The following A1BG variants were observed in gnomAD, a reference collection of about 807,000 sequenced individuals.
A1BG encodes the protein alpha-1-B glycoprotein, also known as alpha-1B-glycoprotein.
A neutral mutation model predicts 46.0 loss-of-function variants in A1BG; 44 were observed. The ratio of observed to expected loss-of-function variants is 0.96; its 90% CI spans 0.75 to 1.23. The LOEUF (loss-of-function observed/expected upper bound fraction) is 1.23, where lower values mean the gene tolerates loss of function less well. Ranked by LOEUF, A1BG falls within the 50% of genes most tolerant of loss-of-function variation. The pLI, the probability that A1BG is intolerant of heterozygous loss-of-function variation, is 0.00. For synonymous variants in A1BG, 316 were observed against 314.7 expected (o/e 1.00, Z -0.04); for missense variants, 707 against 688.8 (o/e 1.03, Z -0.30).
chr19:58,347,542 T>C lies in A1BG; in HGVS notation c.1291A>G (p.Thr431Ala). ...LRCEGPIPDV[T>A]FELLREGETK... The stretch of plus-strand genomic sequence containing the variant: ...TCGCCCTCGCGCAGCAGCTCGAAGG[T>C]GACGTCGGGGATGGGTCCCTCGCAG... The change falls in exon 7 of 8, where the codon ACC (threonine) becomes GCC (alanine). Residue 431 changes from threonine (T) to alanine (A), a missense_variant. Coordinates refer to ENST00000263100, the MANE Select transcript of A1BG (RefSeq NM_130786.4). 4 of 1,571,618 alleles carry C rather than the reference T, an allele frequency of 2.5e-6. No homozygotes were observed. In the South Asian group the frequency reaches 4.6e-5, roughly 18 times the overall value.
rs770249611 is a variant in A1BG, at chr19:58,347,455, CGAA to C, written c.1375_1377del (p.Phe459del). ...TAGTTGCCGGCGTGCTGGGGCCCCA[CGAA>C]GATCAGCTCGAGGTTCGCCGCGGCC... On this transcript the variant is annotated inframe_deletion, in exon 7 of 8. Coordinates refer to ENST00000263100, the MANE Select transcript of A1BG (RefSeq NM_130786.4). 8.1e-6 allele frequency: 13 copies of C among 1,605,608 alleles called. No homozygotes were observed. Among genetic ancestry groups the C allele is most frequent in the Non-Finnish European group, 9.4e-6 (11 of 1,175,676 alleles).
intron 6 of A1BG, chr19:58,350,099 T>G (rs1026352523): frequency 6.6e-6 from 3 of 456,892 alleles, no homozygotes; most frequent in African/African-American, 4.1e-5. Flanking sequence ...GCTGCAGGGA[T>G]CTGAACAAGA....
chr19:58,352,175 G>A (rs767350390), intron 4 of A1BG, 108 bp downstream of exon 4: 1 of 1,527,078 alleles, frequency 6.5e-7, no homozygotes, highest in Non-Finnish European at 8.7e-7. Context: ...CCAGCTTCCT[G>A]GACCTGGTCC....
chr19:58,352,765 G>T, intron 3 of A1BG, 163 bp downstream of exon 3: 1 of 1,223,932 alleles, frequency 8.2e-7, no homozygotes, highest in Non-Finnish European at 1.1e-6. Flanking sequence ...GCCTGCTGGG[G>T]ACACAACCAT....
chr19:58,351,795 CTTTTTTTTT>C (rs11452992), intron 4 of A1BG, 108 bp from the exon 5 acceptor site: 16 of 761,108 alleles, frequency 2.1e-5, no homozygotes, highest in Non-Finnish European at 2.9e-5. Flanking sequence ...CCCTTCCATT[CTTTTTTTTT>C]TTTTTTTTTG....
At chr19:58,351,730 C>T (rs755673720) in intron 4 of A1BG, 43 bp from the exon 5 acceptor site, 54 of 1,533,278 alleles carry the variant, frequency 3.5e-5, no homozygotes, top group Non-Finnish European at 4.6e-5. Context: ...ATCCCTGGAG[C>T]TGCCCTCTGC....
At position 58,353,392 on chromosome 19, in the gene A1BG, A is replaced by T; in HGVS notation, c.34+12T>A. On this transcript the variant is annotated intron_variant, in intron 1 of 7. Coordinates refer to ENST00000263100, the MANE Select transcript of A1BG (RefSeq NM_130786.4). Reference sequence around the variant, plus strand: ...CTCCCGCCCCAGGGACCCAGACCCCAGGAGGCCTCACCCCACAGCAAGAGA... The same window carrying T: ...CTCCCGCCCCAGGGACCCAGACCCCTGGAGGCCTCACCCCACAGCAAGAGA... 6.3e-7 allele frequency: 1 copy of T among 1,591,036 alleles called. No individual in the cohort carries two copies. The highest frequency in any genetic ancestry group is 8.6e-7 in the Non-Finnish European group (1 of 1,164,032).
In A1BG at chr19:58,347,624, A is replaced by G. The variant is rs2147998316; in HGVS notation, c.1209T>C (p.Pro403=). The G allele has an allele frequency of 6.9e-7, 1 of 1,453,046 alleles. No homozygotes were observed. 90.0% of individuals were successfully genotyped at this position (1,453,046 alleles called of 1,614,324 possible). Residue 403 remains proline, a synonymous_variant, in exon 7 of 8, where the codon CCT becomes CCC. Coordinates refer to ENST00000263100, the MANE Select transcript of A1BG (RefSeq NM_130786.4). ...ELHVDGPPPR[P]QLRATWSGAV... is the part of the protein sequence containing the mutation. ...CCCCACTCCACGTCGCCCGGAGCTG[A>G]GGCCTGGGAGGGGGTCCTGGGCGGA...
At position 58,347,080 on chromosome 19, in the gene A1BG, C is replaced by T. The variant is rs376213403; in HGVS notation, c.1481-51G>A. 1,631 of 1,607,708 alleles carry T rather than the reference C, an allele frequency of 1.0e-3. 1 individual carries two copies. Among genetic ancestry groups the T allele is most frequent in the Non-Finnish European group, 1.3e-3 (1,551 of 1,175,344 alleles). On this transcript the variant is annotated intron_variant, in intron 7 of 7. Transcript: ENST00000263100. ...GGTGGAGGAGGGGAAATCCTATGCC[C>T]TCCTCCTCGCGGAAATCAAGGCCGA...
Position 58,351,665 on chromosome 19 carries a change from C to T in A1BG, c.636G>A (p.Leu212=). Residue 212 remains leucine (L), a synonymous_variant, in exon 5 of 8, where the codon CTG becomes CTA. Coordinates refer to ENST00000263100, the MANE Select transcript of A1BG (RefSeq NM_130786.4). ...CCTGGGAGGACTCTCCATGGTGCAT[C>T]AGCACAGGCGGTGGTGGTGCAGCTG... ...EELAAPPPPV[L]MHHGESSQVL... is the part of the protein sequence containing the mutation. 3 of 1,603,122 alleles carry T rather than the reference C, an allele frequency of 1.9e-6. No homozygotes were observed. Among genetic ancestry groups the T allele is most frequent in the Non-Finnish European group, 2.6e-6 (3 of 1,175,338 alleles).
chr19:58,347,676 GC>G (rs1269593867), intron 6 of A1BG, 36 bp from the exon 7 acceptor site: 12 of 1,296,426 alleles, frequency 9.3e-6, no homozygotes, highest in Middle Eastern at 2.8e-4. Flanking sequence ...GCCAGGCCAC[GC>G]CCCAGGCCAC....
intron 5 of A1BG, chr19:58,351,030 T>G (rs1600504865): frequency 4.8e-6 from 2 of 420,776 alleles, no homozygotes; most frequent in Non-Finnish European, 8.6e-6. Context: ...GGGCATGGGG[T>G]TCGCTGTCCG....
chr19:58,351,315 C>T, intron 5 of A1BG, 76 bp downstream of exon 5: 1 of 1,558,634 alleles, frequency 6.4e-7, no homozygotes, highest in Non-Finnish European at 8.7e-7. Context: ...CTGCACTTCC[C>T]CAGACTCTAC....
At position 58,350,531 on chromosome 19, in the gene A1BG, C is replaced by T. The variant is rs1396344656; in HGVS notation, c.1031G>A (p.Arg344His). 1.3e-6 allele frequency: 2 copies of T among 1,550,250 alleles called. No homozygotes were observed. The highest frequency in any genetic ancestry group is 2.4e-5 in the South Asian group (2 of 84,072). Residue 344 changes from arginine (R) to histidine (H), a missense_variant, in exon 6 of 8, where the codon CGC becomes CAC. Coordinates refer to ENST00000263100, the MANE Select transcript of A1BG (RefSeq NM_130786.4). ...FALVREDRGGRRVHRFQSPAG... is the reference protein window; with the variant it reads ...FALVREDRGGHRVHRFQSPAG... ...GGGGCTCTGGAAACGGTGCACGCGG[C>T]GCCCGCCCCTGTCCTCGCGCACCAG... is the stretch of plus-strand genomic sequence containing the variant.
chr19:58,347,110 C>T, intron 7 of A1BG, 81 bp from the exon 8 acceptor site: 3 of 1,546,598 alleles, frequency 1.9e-6, no homozygotes, highest in Admixed American at 1.8e-5. Context: ...GGCCGACCTC[C>T]CTGACGCCCC....
Position 58,346,967 on chromosome 19 carries a change from C to G in A1BG, c.*55G>C, listed in dbSNP as rs570220357. The stretch of plus-strand genomic sequence containing the variant: ...TGCAACAGGAGGGGAGGGAGCCAGT[C>G]CAGAATCCCCGGCACTTCTGAGGAC... On this transcript the variant is annotated 3_prime_UTR_variant, in exon 8 of 8. Transcript: ENST00000263100. The G allele has an allele frequency of 3.7e-6, 6 of 1,609,290 alleles. No homozygotes were observed. The highest frequency in any genetic ancestry group is 1.7e-5 in the Admixed American group (1 of 60,020).
At position 58,347,492 on chromosome 19, in the gene A1BG, GC is replaced by G; in HGVS notation, c.1340del (p.Arg447ProfsTer11). 6.3e-7 allele frequency: 1 copy of G among 1,595,828 alleles called. No individual in the cohort carries two copies. Among genetic ancestry groups the G allele is most frequent in the Non-Finnish European group, 8.5e-7 (1 of 1,169,910 alleles). On this transcript the variant is annotated frameshift_variant, in exon 7 of 8. Coordinates refer to ENST00000263100, the MANE Select transcript of A1BG (RefSeq NM_130786.4). LOFTEE classifies it high-confidence loss of function. ...CGAGGTTCGCCGCGGCCCCGGGGGT[GC>G]GGACCGTCTTCACGGCCTTCGTCTC... The part of the protein sequence containing the change: ...EGETKAVKTV[R>X]TPGAAANLEL...
At chr19:58,351,794 T>TA (rs2051961803) in intron 4 of A1BG, 107 bp from the exon 5 acceptor site, 658 of 972,720 alleles carry the variant, frequency 6.8e-4, no homozygotes, top group Middle Eastern at 1.0e-3. Flanking sequence ...ACCCTTCCAT[T>TA]CTTTTTTTTT....
chr19:58,350,458 G>C lies in A1BG; in HGVS notation c.1104C>G (p.Asp368Glu). 1.3e-6 allele frequency: 2 copies of C among 1,555,766 alleles called. No individual in the cohort carries two copies. Among genetic ancestry groups the C allele is most frequent in the Non-Finnish European group, 1.7e-6 (2 of 1,150,200 alleles). Residue 368 changes from aspartate (D) to glutamate (E), a missense_variant, in exon 6 of 8, where the codon GAC (aspartate) becomes GAG (glutamate). Transcript: ENST00000263100. The part of the protein sequence containing the change: ...LFELHNISVA[D>E]SANYSCVYVD... ...CGTAGACGCAGCTGTAGTTGGCGGA[G>C]TCAGCCACGGAAATGTTGTGCAGCT...
Sources: allele counts gnomAD v4.1 joint callset, GRCh38; gene constraint gnomAD v4.1.1; transcripts MANE v1.5; gene names NCBI Gene and HGNC (gene_info 2026-07-23, HGNC 2026-07-21).